Variants in CTXND1 observed in about 807,000 individuals in gnomAD.
The protein encoded by CTXND1 is cortexin domain containing 1, also known as cortexin domain-containing 1 protein.
intron 1 of CTXND1, among the ~76,000 whole-genome samples, chr15:80,238,727 G>A (rs753994508): frequency 2.0e-5 from 3 of 152,048 alleles, no homozygotes; most frequent in Non-Finnish European, 4.4e-5. Context: ...CACCCGCCTT[G>A]GCCTCCCAAA....
rs565862362 is a variant in CTXND1, at chr15:80,216,372, G to A, written c.-217-12632C>T. Among the ~76,000 whole-genome samples, 7 of 152,294 alleles carry A rather than the reference G, an allele frequency of 4.6e-5. No individual in the cohort carries two copies. The South Asian group carries it at 1.5e-3, about 32-fold the overall frequency. On this transcript the variant is annotated intron_variant, in intron 1 of 2. Transcript: ENST00000560778. ...TACGCTCAAAGTTTTGCAAACTAGG[G>A]AAGAGAGGTTTCTTTTCCAAAGAAC...
rs1221626105 is a variant in CTXND1 at position 80,219,224 on chromosome 15, G to A, written c.-217-15484C>T. On this transcript the variant is annotated intron_variant, in intron 1 of 2. Coordinates refer to ENST00000560778, the MANE Select transcript of CTXND1 (RefSeq NM_001352888.2). Reference sequence around the variant, plus strand: ...CCTCCCAAAGTACTTGGGATTACAGGCATAAGCCACTGTGCCCAGCCTATT... The same window carrying A: ...CCTCCCAAAGTACTTGGGATTACAGACATAAGCCACTGTGCCCAGCCTATT... Among the ~76,000 whole-genome samples, 3 of 152,056 alleles carry A rather than the reference G, an allele frequency of 2.0e-5. No individual in the cohort carries two copies. In the East Asian group the frequency reaches 5.8e-4, roughly 29 times the overall value.
chr15:80,240,516 C>T (rs1274874958), intron 1 of CTXND1, among the ~76,000 whole-genome samples: 4 of 152,152 alleles, frequency 2.6e-5, no homozygotes, highest in Admixed American at 1.3e-4. Context: ...CACTCCCCCC[C>T]CACCACCCAA....
intron 1 of CTXND1, among the ~76,000 whole-genome samples, chr15:80,249,655 A>C (rs1050557131): frequency 1.4e-4 from 21 of 152,254 alleles, no homozygotes; most frequent in African/African-American, 4.8e-4. Context: ...TGGCAGAGCC[A>C]GGACTAAACA....
Position 80,244,128 on chromosome 15 carries a change from G to A in CTXND1, c.-218+7879C>T, listed in dbSNP as rs1893602323. 1.3e-5 allele frequency among the ~76,000 whole-genome samples: 2 copies of A among 152,208 alleles called. 1 individual carries two copies. Among genetic ancestry groups the A allele is most frequent in the South Asian group, 4.1e-4 (2 of 4,832 alleles). ...GGTGGGAAATGGGAAGATCAACCAAGCCATTGTTATTACCTTTCTCTCTTT... is the reference window on the plus strand; with the variant it reads ...GGTGGGAAATGGGAAGATCAACCAAACCATTGTTATTACCTTTCTCTCTTT... On this transcript the variant is annotated intron_variant, in intron 1 of 2. Coordinates refer to ENST00000560778, the MANE Select transcript of CTXND1 (RefSeq NM_001352888.2).
chr15:80,219,572 G>A (rs1010931161), intron 1 of CTXND1, among the ~76,000 whole-genome samples: 2 of 152,188 alleles, frequency 1.3e-5, no homozygotes, highest in African/African-American at 4.8e-5. Context: ...TTGTAGAATA[G>A]GCATATCTCT....
At chr15:80,216,233 G>A (rs1310325885) in intron 1 of CTXND1, among the ~76,000 whole-genome samples, 1 of 152,076 alleles carries the variant, frequency 6.6e-6, no homozygotes, top group Non-Finnish European at 1.5e-5. Context: ...TACTCCTGCT[G>A]GACATATGGC....
intron 1 of CTXND1, among the ~76,000 whole-genome samples, chr15:80,210,343 C>A (rs1296955792): frequency 6.6e-6 from 1 of 152,136 alleles, no homozygotes; most frequent in South Asian, 2.1e-4. Context: ...TAAATATTTT[C>A]CCCAAAATGT....
At chr15:80,230,902 A>G (rs1893420876) in intron 1 of CTXND1, among the ~76,000 whole-genome samples, 1 of 152,088 alleles carries the variant, frequency 6.6e-6, no homozygotes, top group Non-Finnish European at 1.5e-5. Flanking sequence ...TACTAAAAAT[A>G]CAAAAATTAG....
At chr15:80,246,103 A>G (rs1555445742) in intron 1 of CTXND1, among the ~76,000 whole-genome samples, 1 of 152,182 alleles carries the variant, frequency 6.6e-6, no homozygotes, top group Non-Finnish European at 1.5e-5. Flanking sequence ...AATTTGTATA[A>G]TGAGAAAAAC....
chr15:80,234,811 C>G (rs536724685), intron 1 of CTXND1, among the ~76,000 whole-genome samples: 1 of 152,142 alleles, frequency 6.6e-6, no homozygotes, highest in East Asian at 1.9e-4. Context: ...TGTCTTCCAT[C>G]GCCTGTGTCA....
intron 1 of CTXND1, among the ~76,000 whole-genome samples, chr15:80,250,365 T>C (rs1363150383): frequency 6.6e-6 from 1 of 152,214 alleles, no homozygotes; most frequent in Non-Finnish European, 1.5e-5. Flanking sequence ...AAAGTTCATA[T>C]TATTTTTTAA....
At chr15:80,203,398 C>G (rs1038296882) in intron 2 of CTXND1, among the ~76,000 whole-genome samples, 191 bp downstream of exon 2, 2 of 152,210 alleles carry the variant, frequency 1.3e-5, no homozygotes, top group African/African-American at 4.8e-5. Flanking sequence ...ATCCCACACC[C>G]GAGGTCCCTA....
At chr15:80,236,821 A>T (rs1179028956) in intron 1 of CTXND1, among the ~76,000 whole-genome samples, 2 of 151,486 alleles carry the variant, frequency 1.3e-5, no homozygotes, top group Admixed American at 6.6e-5. Flanking sequence ...AAAAATTCCT[A>T]TCACTTAGTG....
At chr15:80,217,842 C>T (rs1270400282) in intron 1 of CTXND1, among the ~76,000 whole-genome samples, 1 of 152,136 alleles carries the variant, frequency 6.6e-6, no homozygotes, top group Non-Finnish European at 1.5e-5. Flanking sequence ...CCACCATGGC[C>T]AGCCCACTAA....
At chr15:80,223,165 G>A (rs891753377) in intron 1 of CTXND1, among the ~76,000 whole-genome samples, 4 of 152,060 alleles carry the variant, frequency 2.6e-5, no homozygotes, top group South Asian at 2.1e-4. Flanking sequence ...CTCAACCTCC[G>A]CCTCCTAGGT....
At chr15:80,204,169 A>AAAAAAAT (rs1555443860) in intron 1 of CTXND1, among the ~76,000 whole-genome samples, 14 of 65,194 alleles carry the variant, frequency 2.1e-4, no homozygotes, top group Admixed American at 2.7e-4. Flanking sequence ...AAAAAAAAAA[A>AAAAAAAT]ATATATATAT....
At chr15:80,219,450 T>A (rs2142129090) in intron 1 of CTXND1, among the ~76,000 whole-genome samples, 1 of 152,350 alleles carries the variant, frequency 6.6e-6, no homozygotes, top group East Asian at 1.9e-4. Flanking sequence ...AATGGGCTTT[T>A]ATGTTATTTC....
At chr15:80,204,204 A>AC (rs58094953) in intron 1 of CTXND1, among the ~76,000 whole-genome samples, 1 of 61,642 alleles carries the variant, frequency 1.6e-5, no homozygotes, top group African/African-American at 7.1e-5. Flanking sequence ...ATATATACAC[A>AC]AACACATACA....
Sources: gnomAD v4.1 joint callset for allele counts (sites outside exome capture counted in the v4.1 genomes callset) on GRCh38, gnomAD v4.1.1 for gene constraint, MANE v1.5 for transcripts, NCBI Gene and HGNC (gene_info 2026-07-23, HGNC 2026-07-21) for gene names.